The following AUTS2 variants were observed in gnomAD, a reference collection of about 807,000 sequenced individuals.
AUTS2 encodes the protein activator of transcription and developmental regulator AUTS2, also known as autism susceptibility gene 2 protein.
Under a neutral mutation model 112.4 loss-of-function variants are expected in AUTS2, and 17 were observed. The ratio of observed to expected loss-of-function variants is 0.15; its 90% CI spans 0.10 to 0.23. AUTS2 has a LOEUF of 0.23. AUTS2 is among the 10% of genes least tolerant of loss of function. The pLI is 1.00. For synonymous variants in AUTS2, 751 were observed against 702.7 expected (o/e 1.07, Z -1.09); for missense variants, 1,510 against 1,701.6 (o/e 0.89, Z 1.98).
intron 4 of AUTS2, among the ~76,000 whole-genome samples, chr7:70,381,385 G>T (rs1414713047): frequency 1.3e-5 from 2 of 152,144 alleles, no homozygotes; most frequent in Non-Finnish European, 2.9e-5. Context: ...ACAGCTGTGT[G>T]TTTTCCTGTG....
chr7:70,143,410 G>A (rs545847529), intron 4 of AUTS2, among the ~76,000 whole-genome samples: 12 of 152,338 alleles, frequency 7.9e-5, no homozygotes, highest in African/African-American at 2.4e-4. Context: ...TAGCACAGTT[G>A]ATAAACTGTC....
At position 69,676,374 on chromosome 7, in the gene AUTS2, A is replaced by T. The variant is rs112720614; in HGVS notation, c.309+76412A>T. 6.0e-3 allele frequency among the ~76,000 whole-genome samples: 906 copies of T among 152,262 alleles called. 13 individuals are homozygous for T. Among genetic ancestry groups the T allele is most frequent in the African/African-American group, 0.021 (862 of 41,544 alleles). The stretch of plus-strand genomic sequence containing the variant: ...CCCTCCATTGAGATCACTTTCTTTA[A>T]AGTCTTTATGCATTTAGAGAGTTGC... On this transcript the variant is annotated intron_variant, in intron 1 of 18. Coordinates refer to ENST00000342771, the MANE Select transcript of AUTS2 (RefSeq NM_015570.4).
chr7:70,754,049 T>C (rs1314231950), intron 6 of AUTS2, among the ~76,000 whole-genome samples: 1 of 151,198 alleles, frequency 6.6e-6, no homozygotes, highest in African/African-American at 2.4e-5. Context: ...TAGTCCCAGC[T>C]ACTGGGGAGG....
At chr7:69,910,216 G>A (rs1479651714) in intron 2 of AUTS2, among the ~76,000 whole-genome samples, 3 of 152,194 alleles carry the variant, frequency 2.0e-5, no homozygotes, top group African/African-American at 4.8e-5. Flanking sequence ...TTGGTGTCAT[G>A]GGATCCTTGG....
intron 2 of AUTS2, among the ~76,000 whole-genome samples, chr7:70,071,778 G>T (rs1298118205): frequency 6.6e-6 from 1 of 152,216 alleles, no homozygotes; most frequent in East Asian, 1.9e-4. Context: ...CGATCTATGA[G>T]AAATTTAGCT....
At chr7:69,770,401 C>T (rs1432037255) in intron 1 of AUTS2, among the ~76,000 whole-genome samples, 1 of 152,128 alleles carries the variant, frequency 6.6e-6, no homozygotes, top group Non-Finnish European at 1.5e-5. Context: ...ACCCTCAGCC[C>T]TGAGTTCACA....
intron 5 of AUTS2, among the ~76,000 whole-genome samples, chr7:70,473,875 A>G (rs1797483948): frequency 6.6e-6 from 1 of 152,060 alleles, no homozygotes; most frequent in Non-Finnish European, 1.5e-5. Context: ...CATGCCTCTC[A>G]ATGGTGAAGG....
intron 4 of AUTS2, among the ~76,000 whole-genome samples, chr7:70,225,025 G>A (rs1441880565): frequency 1.3e-5 from 2 of 152,136 alleles, no homozygotes; most frequent in Admixed American, 1.3e-4. Context: ...TATTCCCATC[G>A]TTAAGCAACA....
At chr7:69,967,353 A>G (rs117537603) in intron 2 of AUTS2, among the ~76,000 whole-genome samples, 86 of 152,210 alleles carry the variant, frequency 5.7e-4, no homozygotes, top group Non-Finnish European at 7.9e-4. Context: ...CTTTACTGAC[A>G]TGTGCCATTT....
intron 6 of AUTS2, among the ~76,000 whole-genome samples, chr7:70,732,141 A>G (rs1370157821): frequency 2.0e-5 from 3 of 152,224 alleles, no homozygotes; most frequent in Admixed American, 2.0e-4. Context: ...TAATCATACT[A>G]AAGTGTATTA....
chr7:69,806,585 CA>C (rs758902360), intron 1 of AUTS2, among the ~76,000 whole-genome samples: 31 of 152,220 alleles, frequency 2.0e-4, no homozygotes, highest in African/African-American at 7.2e-4. Flanking sequence ...ACCCACATCT[CA>C]GCCTCCCAAG....
intron 5 of AUTS2, among the ~76,000 whole-genome samples, chr7:70,535,322 T>C (rs1800273880): frequency 1.3e-5 from 2 of 152,176 alleles, no homozygotes. Context: ...ACAAGACATA[T>C]ATAATATTAG....
In AUTS2 at chr7:70,781,752, C is replaced by CGCTGGT. The variant is rs2129559986; in HGVS notation, c.2144_2146+3dup. 1 of 1,613,866 alleles carries CGCTGGT rather than the reference C, an allele frequency of 6.2e-7. No homozygotes were observed. The highest frequency in any genetic ancestry group is 1.1e-5 in the South Asian group (1 of 91,012). Reference sequence around the variant, plus strand: ...CACGGCCTTCAACTTTGTTCTCTGCCGCTGGTGAGTGTGGGTTTGGGTGGG... The same window carrying CGCTGGT: ...CACGGCCTTCAACTTTGTTCTCTGCCGCTGGTGCTGGTGAGTGTGGGTTTGGGTGGG... On this transcript the variant is annotated inframe_insertion, in exon 15 of 19. Coordinates refer to ENST00000342771, the MANE Select transcript of AUTS2 (RefSeq NM_015570.4).
intron 1 of AUTS2, among the ~76,000 whole-genome samples, chr7:69,786,605 A>G (rs1020396344): frequency 1.6e-4 from 24 of 152,168 alleles, no homozygotes; most frequent in African/African-American, 5.5e-4. Flanking sequence ...TAAGAGCTGT[A>G]ACACTCACCA....
At chr7:70,774,253 T>C (rs1418033865) in intron 12 of AUTS2, 154 bp downstream of exon 12, 6 of 686,708 alleles carry the variant, frequency 8.7e-6, no homozygotes, top group South Asian at 1.8e-5. Flanking sequence ...CCAATTACTC[T>C]TAGAAAACAC....
At chr7:70,784,209 C>A (rs1791278924) in intron 15 of AUTS2, 1 of 152,116 alleles carries the variant, frequency 6.6e-6, no homozygotes, top group South Asian at 2.1e-4. Flanking sequence ...TCTCCTAAAA[C>A]CTAATTGAGC....
chr7:70,297,648 A>G (rs1789008150), intron 4 of AUTS2, among the ~76,000 whole-genome samples: 1 of 151,608 alleles, frequency 6.6e-6, no homozygotes, highest in South Asian at 2.1e-4. Flanking sequence ...GTTAGCCAGG[A>G]TAGTCTCGAT....
chr7:69,615,802 G>T (rs1288146644), intron 1 of AUTS2, among the ~76,000 whole-genome samples: 1 of 152,188 alleles, frequency 6.6e-6, no homozygotes, highest in Non-Finnish European at 1.5e-5. Flanking sequence ...CCTTTCCAAT[G>T]ATGTGCTTTG....
chr7:70,131,811 T>C (rs1380778250), intron 3 of AUTS2, among the ~76,000 whole-genome samples: 1 of 152,046 alleles, frequency 6.6e-6, no homozygotes, highest in Non-Finnish European at 1.5e-5. Context: ...TCAGCTAAAG[T>C]CTGACTTCCC....
Sources: gnomAD v4.1 joint callset for allele counts (sites outside exome capture counted in the v4.1 genomes callset) on GRCh38, gnomAD v4.1.1 for gene constraint, MANE v1.5 for transcripts, NCBI Gene and HGNC (gene_info 2026-07-23, HGNC 2026-07-21) for gene names.